The following MMP16 variants were observed in gnomAD, a reference collection of about 807,000 sequenced individuals.
MMP16 encodes matrix metallopeptidase 16, also known as matrix metalloproteinase-16.
In MMP16, 12 loss-of-function variants were observed where a neutral mutation model predicts 67.8. That is an observed-to-expected ratio of 0.18 (90% CI 0.11 to 0.29). MMP16 has a LOEUF of 0.29. MMP16 is among the 10% of genes least tolerant of loss of function. The pLI is 1.00. For missense variants in MMP16, 475 were observed against 765.7 expected, an observed-to-expected ratio of 0.62 and a Z score of 4.48; for synonymous variants, 249 against 255.9, an observed-to-expected ratio of 0.97 and a Z score of 0.26.
At chr8:88,309,877 A>G (rs1163939116) in intron 1 of MMP16, among the ~76,000 whole-genome samples, 1 of 152,098 alleles carries the variant, frequency 6.6e-6, no homozygotes, top group East Asian at 1.9e-4. Context: ...ATCTAATTTT[A>G]ATGTAAGTTA....
At chr8:88,278,828 G>T (rs1275980870) in intron 1 of MMP16, among the ~76,000 whole-genome samples, 1 of 152,048 alleles carries the variant, frequency 6.6e-6, no homozygotes, top group Non-Finnish European at 1.5e-5. Flanking sequence ...TTATCTAGGG[G>T]CATTGTACAA....
At chr8:88,199,567 A>C (rs1429687287) in intron 1 of MMP16, among the ~76,000 whole-genome samples, 1 of 151,978 alleles carries the variant, frequency 6.6e-6, no homozygotes, top group East Asian at 1.9e-4. Flanking sequence ...TTTTTGATAA[A>C]AAATTACATC....
At chr8:88,048,382 C>T (rs1051876952) in intron 8 of MMP16, among the ~76,000 whole-genome samples, 2 of 152,084 alleles carry the variant, frequency 1.3e-5, no homozygotes, top group South Asian at 4.1e-4. Context: ...TACTTTGGAT[C>T]ACTCATTATT....
intron 1 of MMP16, among the ~76,000 whole-genome samples, chr8:88,266,195 G>A (rs1381674373): frequency 6.6e-6 from 1 of 152,116 alleles, no homozygotes; most frequent in Non-Finnish European, 1.5e-5. Context: ...CCAGCCCACT[G>A]TGGAGTACAA....
At chr8:88,141,930 T>TC in intron 4 of MMP16, among the ~76,000 whole-genome samples, 1 of 152,202 alleles carries the variant, frequency 6.6e-6, no homozygotes, top group East Asian at 1.9e-4. Flanking sequence ...TTTTTTTTTT[T>TC]TTGAGACAGA....
chr8:88,141,237 A>G (rs939496738), intron 4 of MMP16, among the ~76,000 whole-genome samples: 1 of 152,228 alleles, frequency 6.6e-6, no homozygotes, highest in African/African-American at 2.4e-5. Context: ...AATTAATGAA[A>G]ATAACTCAGT....
At chr8:88,276,826 A>G (rs936881085) in intron 1 of MMP16, among the ~76,000 whole-genome samples, 16 of 152,120 alleles carry the variant, frequency 1.1e-4, no homozygotes, top group African/African-American at 3.9e-4. Context: ...AATTAATAAA[A>G]TGGTGATTAG....
intron 1 of MMP16, among the ~76,000 whole-genome samples, chr8:88,262,323 GTTTGTA>G (rs1810399917): frequency 6.6e-6 from 1 of 152,212 alleles, no homozygotes; most frequent in African/African-American, 2.4e-5. Context: ...TGCAGGCTGT[GTTTGTA>G]TTTGATTTGA....
chr8:88,314,799 T>G (rs145895958), intron 1 of MMP16, among the ~76,000 whole-genome samples: 229 of 152,320 alleles, frequency 1.5e-3, no homozygotes, highest in Middle Eastern at 3.4e-3. Context: ...AGTTCTCAAC[T>G]GCATACTCAA....
At chr8:88,066,081 G>C (rs764565510) in intron 7 of MMP16, among the ~76,000 whole-genome samples, 1 of 152,040 alleles carries the variant, frequency 6.6e-6, no homozygotes, top group Non-Finnish European at 1.5e-5. Context: ...TTAAGTCATA[G>C]CAACAGTTTG....
intron 1 of MMP16, among the ~76,000 whole-genome samples, chr8:88,322,342 G>C (rs1278963209): frequency 6.6e-6 from 1 of 152,098 alleles, no homozygotes; most frequent in Non-Finnish European, 1.5e-5. Flanking sequence ...AACTGTCTAA[G>C]AAAAACCTAC....
chr8:88,294,363 T>C (rs1810973716), intron 1 of MMP16, among the ~76,000 whole-genome samples: 1 of 149,152 alleles, frequency 6.7e-6, no homozygotes, highest in Admixed American at 6.7e-5. Context: ...TGTATATATG[T>C]AGATATACAC....
chr8:88,227,738 T>C (rs1300634047), intron 1 of MMP16, among the ~76,000 whole-genome samples: 1 of 152,046 alleles, frequency 6.6e-6, no homozygotes, highest in Admixed American at 6.6e-5. Context: ...GACACTGCGA[T>C]ATCTATAAAG....
intron 1 of MMP16, among the ~76,000 whole-genome samples, chr8:88,311,823 G>A (rs897484478): frequency 2.0e-5 from 3 of 152,132 alleles, no homozygotes; most frequent in African/African-American, 7.2e-5. Flanking sequence ...GGCTGATAAT[G>A]AGAGGTCTTG....
chr8:88,256,684 TCA>T (rs1337536031), intron 1 of MMP16, among the ~76,000 whole-genome samples: 10,220 of 149,972 alleles, frequency 0.068, 359 homozygotes, highest in South Asian at 0.1. Flanking sequence ...TCTCTCTCTC[TCA>T]CACACACACA....
intron 4 of MMP16, among the ~76,000 whole-genome samples, chr8:88,144,434 T>C (rs548294397): frequency 1.3e-5 from 2 of 151,962 alleles, no homozygotes; most frequent in East Asian, 3.9e-4. Flanking sequence ...GTATCCTGTA[T>C]AGGTATATAT....
chr8:88,257,386 T>C (rs763782355), intron 1 of MMP16, among the ~76,000 whole-genome samples: 7 of 152,230 alleles, frequency 4.6e-5, no homozygotes, highest in Admixed American at 2.6e-4. Context: ...CTAGAGGTCA[T>C]ACCTATGCTG....
chr8:88,046,229 T>G (rs1808197583), intron 9 of MMP16, among the ~76,000 whole-genome samples: 1 of 152,198 alleles, frequency 6.6e-6, no homozygotes, highest in Admixed American at 6.5e-5. Context: ...CTTCCTTGCT[T>G]GCTGGACTCT....
rs1808010449 is a variant in MMP16, at chr8:88,033,363, A to T, written c.*8098T>A. On this transcript the variant is annotated 3_prime_UTR_variant, in exon 10 of 10. Coordinates refer to ENST00000286614, the MANE Select transcript of MMP16 (RefSeq NM_005941.5). ...CTATATTACCAGATAGCTTATATGG[A>T]TGTCATAAATCTGCATTATCATACT... 6.6e-6 allele frequency: 1 copy of T among 150,770 alleles called. No homozygotes were observed. Among genetic ancestry groups the T allele is most frequent in the African/African-American group, 2.4e-5 (1 of 41,280 alleles). The allele number at this position is 150,770 out of a possible 1,614,324, so 9.3% of individuals were successfully genotyped here.
Sources: gnomAD v4.1 joint callset for allele counts (sites outside exome capture counted in the v4.1 genomes callset) on GRCh38, gnomAD v4.1.1 for gene constraint, MANE v1.5 for transcripts, NCBI Gene and HGNC (gene_info 2026-07-23, HGNC 2026-07-21) for gene names.